The following PLA2G4A variants were observed in gnomAD, a reference collection of about 807,000 sequenced individuals.
PLA2G4A encodes the protein cytosolic phospholipase A2.
PLA2G4A carries 40 observed loss-of-function variants against 81.9 expected under a neutral mutation model. The observed-to-expected ratio is 0.49, with a 90% confidence interval of 0.38 to 0.64. The LOEUF is 0.64. PLA2G4A is among the 30% of genes least tolerant of loss of function. The probability of loss-of-function intolerance (pLI) is 0.00; values close to 1 mark genes in which losing one functional copy is unlikely to be tolerated. For missense variants in PLA2G4A, 715 were observed against 905.1 expected, an observed-to-expected ratio of 0.79 and a Z score of 2.69; for synonymous variants, 302 against 296.9, an observed-to-expected ratio of 1.02 and a Z score of -0.18.
intron 3 of PLA2G4A, among the ~76,000 whole-genome samples, chr1:186,887,657 A>G (rs1264296469): frequency 2.0e-5 from 3 of 152,186 alleles, no homozygotes; most frequent in African/African-American, 7.2e-5. Context: ...TCAACACGCA[A>G]TTGCCCTATA....
chr1:186,894,844 T>C (rs950062182), intron 5 of PLA2G4A, among the ~76,000 whole-genome samples: 8 of 152,250 alleles, frequency 5.3e-5, no homozygotes, highest in Admixed American at 4.6e-4. Context: ...ATAAACTCAT[T>C]GGATTTTGAA....
intron 5 of PLA2G4A, among the ~76,000 whole-genome samples, chr1:186,896,613 G>A (rs914716023): frequency 2.0e-5 from 3 of 152,188 alleles, no homozygotes; most frequent in Non-Finnish European, 4.4e-5. Context: ...GTTTTTGAGA[G>A]AAGATATTGT....
At chr1:186,900,600 A>G (rs1441082265) in intron 5 of PLA2G4A, among the ~76,000 whole-genome samples, 2 of 152,172 alleles carry the variant, frequency 1.3e-5, no homozygotes, top group Non-Finnish European at 1.5e-5. Context: ...AATATGTCAA[A>G]TGTGGTTTGG....
At chr1:186,932,713 AT>A in intron 7 of PLA2G4A, 49 bp from the exon 8 acceptor site, 6 of 1,575,146 alleles carry the variant, frequency 3.8e-6, no homozygotes, top group Non-Finnish European at 4.4e-6. Flanking sequence ...AGGGAACTGT[AT>A]TTTATGATTT....
intron 13 of PLA2G4A, among the ~76,000 whole-genome samples, chr1:186,952,317 G>A (rs1183081675): frequency 2.0e-5 from 3 of 152,142 alleles, no homozygotes; most frequent in African/African-American, 7.2e-5. Context: ...TTTGGTTTTA[G>A]GATCAGCCTT....
At chr1:186,884,567 A>G (rs1001214442) in intron 3 of PLA2G4A, among the ~76,000 whole-genome samples, 5 of 152,058 alleles carry the variant, frequency 3.3e-5, no homozygotes, top group African/African-American at 1.2e-4. Context: ...GACTTGAGGG[A>G]CTAAGATCTC....
At chr1:186,863,106 C>T (rs1004983447) in intron 2 of PLA2G4A, among the ~76,000 whole-genome samples, 1 of 151,928 alleles carries the variant, frequency 6.6e-6, no homozygotes, top group Non-Finnish European at 1.5e-5. Context: ...AATATTTTAC[C>T]ATTTTCTTTT....
intron 5 of PLA2G4A, among the ~76,000 whole-genome samples, chr1:186,903,172 T>C (rs1654610066): frequency 6.6e-6 from 1 of 152,150 alleles, no homozygotes; most frequent in Non-Finnish European, 1.5e-5. Context: ...GAACATATTA[T>C]GTAATTCTCT....
chr1:186,894,889 G>T (rs1469730295), intron 5 of PLA2G4A, among the ~76,000 whole-genome samples: 4 of 152,180 alleles, frequency 2.6e-5, no homozygotes, highest in African/African-American at 7.2e-5. Flanking sequence ...TTTGTAGTAA[G>T]AAATGTAAAC....
chr1:186,973,568 G>C (rs1157353785), intron 15 of PLA2G4A, among the ~76,000 whole-genome samples: 1 of 152,184 alleles, frequency 6.6e-6, no homozygotes, highest in African/African-American at 2.4e-5. Context: ...CTCACATTGA[G>C]AATCAGATGT....
intron 5 of PLA2G4A, among the ~76,000 whole-genome samples, chr1:186,895,535 G>A (rs1654305706): frequency 6.6e-6 from 1 of 152,206 alleles, no homozygotes; most frequent in South Asian, 2.1e-4. Flanking sequence ...TAGAGAATAA[G>A]GTACAGGAAG....
chr1:186,946,573 T>C lies in PLA2G4A; in HGVS notation c.1034-64T>C. 7.3e-6 allele frequency: 8 copies of C among 1,091,110 alleles called. No homozygotes were observed. The South Asian group carries it at 1.0e-4, about 14-fold the overall frequency. 67.6% of individuals were successfully genotyped at this position (1,091,110 alleles called of 1,614,324 possible). Reference sequence around the variant, plus strand: ...ATAACATTATTAAAGTGATCATTAATTGTGCACACCATGCCATAGCATTTT... The same window carrying C: ...ATAACATTATTAAAGTGATCATTAACTGTGCACACCATGCCATAGCATTTT... On this transcript the variant is annotated intron_variant, in intron 10 of 17. Coordinates refer to ENST00000367466, the MANE Select transcript of PLA2G4A (RefSeq NM_024420.3).
At chr1:186,900,546 A>G (rs1018130916) in intron 5 of PLA2G4A, among the ~76,000 whole-genome samples, 8 of 152,164 alleles carry the variant, frequency 5.3e-5, no homozygotes, top group African/African-American at 1.9e-4. Flanking sequence ...TGCAGTGATC[A>G]TTTGTTTCAG....
At chr1:186,849,933 C>T (rs922195949) in intron 1 of PLA2G4A, among the ~76,000 whole-genome samples, 1 of 151,974 alleles carries the variant, frequency 6.6e-6, no homozygotes, top group Non-Finnish European at 1.5e-5. Context: ...TAAGTTACAG[C>T]CCTGAGTGGG....
chr1:186,977,900 C>T (rs920259537), intron 16 of PLA2G4A, 112 bp downstream of exon 16: 4 of 765,440 alleles, frequency 5.2e-6, no homozygotes, highest in African/African-American at 5.2e-5. Context: ...CTATTGAATG[C>T]TTCCCTTACC....
chr1:186,848,510 G>A (rs140738331), intron 1 of PLA2G4A, among the ~76,000 whole-genome samples: 2 of 152,132 alleles, frequency 1.3e-5, no homozygotes, highest in Non-Finnish European at 2.9e-5. Flanking sequence ...GCAGTGACTG[G>A]GTTAATTCTT....
At chr1:186,877,396 G>A (rs1486610500) in intron 3 of PLA2G4A, among the ~76,000 whole-genome samples, 2 of 151,900 alleles carry the variant, frequency 1.3e-5, no homozygotes, top group East Asian at 1.9e-4. Flanking sequence ...TTTCTTCAAC[G>A]TCATCTTTGT....
intron 7 of PLA2G4A, among the ~76,000 whole-genome samples, chr1:186,922,587 G>T (rs1365962582): frequency 6.6e-6 from 1 of 152,182 alleles, no homozygotes; most frequent in Admixed American, 6.5e-5. Context: ...CCCCTGCAGG[G>T]ATGCTCCACA....
At chr1:186,895,707 C>T (rs372375013) in intron 5 of PLA2G4A, among the ~76,000 whole-genome samples, 32 of 152,216 alleles carry the variant, frequency 2.1e-4, no homozygotes, top group East Asian at 1.5e-3. Context: ...GAATAAAGAA[C>T]GATTGTGTTG....
Sources: gnomAD v4.1 joint callset for allele counts (sites outside exome capture counted in the v4.1 genomes callset) on GRCh38, gnomAD v4.1.1 for gene constraint, MANE v1.5 for transcripts, NCBI Gene and HGNC (gene_info 2026-07-23, HGNC 2026-07-21) for gene names.